OPCML: variants seen among roughly 807,000 people sequenced by gnomAD.
OPCML encodes the protein opioid-binding protein/cell adhesion molecule.
A neutral mutation model predicts 37.8 loss-of-function variants in OPCML; 13 were observed. The ratio of observed to expected loss-of-function variants is 0.34; its 90% CI spans 0.22 to 0.55. OPCML has a LOEUF of 0.55. Among genes scored for constraint, OPCML ranks in the 20% least tolerant of loss-of-function variants. The pLI is 0.91. For missense variants in OPCML, 341 were observed against 435.6 expected (o/e 0.78, Z 1.93); for synonymous variants, 176 against 168.8 (o/e 1.04, Z -0.33).
At chr11:132,658,490 G>T (rs1459381204) in intron 2 of OPCML, among the ~76,000 whole-genome samples, 2 of 152,110 alleles carry the variant, frequency 1.3e-5, no homozygotes, top group East Asian at 1.9e-4. Context: ...CATGGCTCAG[G>T]GTCTCCAAGC....
At chr11:132,759,273 C>A (rs189052403) in intron 2 of OPCML, among the ~76,000 whole-genome samples, 3 of 151,820 alleles carry the variant, frequency 2.0e-5, no homozygotes, top group South Asian at 4.2e-4. Flanking sequence ...TTTTTTGTTG[C>A]GTCTCTGCCA....
chr11:133,259,840 G>A (rs2136453725), intron 1 of OPCML, among the ~76,000 whole-genome samples: 1 of 152,250 alleles, frequency 6.6e-6, no homozygotes, highest in East Asian at 1.9e-4. Context: ...TCATTCAATA[G>A]ATATTTACTA....
chr11:133,470,148 C>T (rs12573907), intron 1 of OPCML, among the ~76,000 whole-genome samples: 43,634 of 151,986 alleles, frequency 0.29, 7,822 homozygotes, highest in African/African-American at 0.51. Flanking sequence ...GGGATGTTGA[C>T]TCTATGGATC....
At chr11:133,082,427 C>CCCTCCCCATCCTTTCTCTTCCCCT (rs1190918168) in intron 1 of OPCML, among the ~76,000 whole-genome samples, 81 of 113,474 alleles carry the variant, frequency 7.1e-4, no homozygotes, top group African/African-American at 2.5e-3. Context: ...CTATCCTCCC[C>CCCTCCCCATCCTTTCTCTTCCCCT]CCTCCCCATC....
intron 3 of OPCML, among the ~76,000 whole-genome samples, chr11:132,593,261 T>C (rs1158777636): frequency 2.0e-5 from 3 of 151,956 alleles, no homozygotes; most frequent in African/African-American, 7.3e-5. Flanking sequence ...CCAGCAAGGA[T>C]GTCGGTGTGG....
At chr11:133,405,544 G>A (rs540852334) in intron 1 of OPCML, among the ~76,000 whole-genome samples, 1 of 152,296 alleles carries the variant, frequency 6.6e-6, no homozygotes, top group East Asian at 1.9e-4. Flanking sequence ...CCCTCGGATA[G>A]AAGACCCAGG....
At chr11:132,446,752 A>T (rs186464957) in intron 4 of OPCML, among the ~76,000 whole-genome samples, 78 of 152,132 alleles carry the variant, frequency 5.1e-4, no homozygotes, top group Non-Finnish European at 8.2e-4. Context: ...TACTGCTTTA[A>T]AAAAAAACCT....
intron 1 of OPCML, among the ~76,000 whole-genome samples, chr11:133,052,675 G>T (rs1281454801): frequency 6.6e-6 from 1 of 152,200 alleles, no homozygotes; most frequent in Non-Finnish European, 1.5e-5. Flanking sequence ...TGTGTCCTTG[G>T]GGATAGTGAT....
chr11:132,491,188 C>T (rs761815428), intron 4 of OPCML, among the ~76,000 whole-genome samples: 5 of 152,348 alleles, frequency 3.3e-5, no homozygotes, highest in African/African-American at 4.8e-5. Context: ...TTGTTCCCCT[C>T]GGTGTGCTCA....
chr11:133,394,349 T>A (rs751094777), intron 1 of OPCML, among the ~76,000 whole-genome samples: 1 of 152,240 alleles, frequency 6.6e-6, no homozygotes, highest in African/African-American at 2.4e-5. Flanking sequence ...TGTATAATTA[T>A]CACATCAGGG....
intron 1 of OPCML, among the ~76,000 whole-genome samples, chr11:133,278,620 C>T (rs1194301498): frequency 6.6e-6 from 1 of 151,990 alleles, no homozygotes; most frequent in Non-Finnish European, 1.5e-5. Flanking sequence ...AGAGGCTATA[C>T]TACTAGATGT....
At position 132,751,969 on chromosome 11, in the gene OPCML, T is replaced by C. The variant is rs115867941; in HGVS notation, c.147-94650A>G. Among the ~76,000 whole-genome samples the C allele has an allele frequency of 8.6e-3, 1,317 of 152,272 alleles. 21 individuals are homozygous for C. The highest frequency in any genetic ancestry group is 0.029 in the African/African-American group (1,225 of 41,550). On this transcript the variant is annotated intron_variant, in intron 2 of 7. Transcript: ENST00000524381. ...CTATCTCTGCATTTCAGTGGGCAGA[T>C]TGGGAATTAGACACATGGTCTAATC...
At chr11:133,418,190 G>T (rs1945808943) in intron 1 of OPCML, 2 of 985,414 alleles carry the variant, frequency 2.0e-6, no homozygotes, top group South Asian at 4.7e-5. Context: ...CCATGGCAGG[G>T]TCTTCGGGTT....
chr11:132,648,515 CTCTG>C (rs1446500865), intron 3 of OPCML, among the ~76,000 whole-genome samples: 3 of 150,772 alleles, frequency 2.0e-5, no homozygotes, highest in East Asian at 1.9e-4. Context: ...TGACACTTCT[CTCTG>C]TCTTTTTTTT....
At chr11:132,854,377 T>C (rs1941959550) in intron 2 of OPCML, among the ~76,000 whole-genome samples, 1 of 152,176 alleles carries the variant, frequency 6.6e-6, no homozygotes, top group Admixed American at 6.5e-5. Flanking sequence ...TTCATTGCTT[T>C]AGCATAATTG....
chr11:133,367,368 T>C (rs1014009591), intron 1 of OPCML, among the ~76,000 whole-genome samples: 2 of 152,156 alleles, frequency 1.3e-5, no homozygotes, highest in African/African-American at 2.4e-5. Context: ...ACAACCATCC[T>C]CAGCTCATCA....
intron 1 of OPCML, among the ~76,000 whole-genome samples, chr11:133,209,391 C>T (rs901562817): frequency 2.6e-5 from 4 of 152,144 alleles, no homozygotes; most frequent in African/African-American, 9.7e-5. Context: ...GCACACTTCT[C>T]AGCTGTCTTA....
intron 1 of OPCML, among the ~76,000 whole-genome samples, chr11:133,376,290 T>C (rs1464425050): frequency 6.6e-6 from 1 of 152,206 alleles, no homozygotes; most frequent in African/African-American, 2.4e-5. Flanking sequence ...GTAAAAAAGT[T>C]ATTCTATGAA....
At chr11:133,442,381 T>C (rs970166974) in intron 1 of OPCML, among the ~76,000 whole-genome samples, 4 of 152,234 alleles carry the variant, frequency 2.6e-5, no homozygotes, top group African/African-American at 9.6e-5. Flanking sequence ...TGCAATATGG[T>C]GGCCTCTTTA....
Sources: gnomAD v4.1 joint callset for allele counts (sites outside exome capture counted in the v4.1 genomes callset) on GRCh38, gnomAD v4.1.1 for gene constraint, MANE v1.5 for transcripts, NCBI Gene and HGNC (gene_info 2026-07-23, HGNC 2026-07-21) for gene names.